PCDHGA4: variants seen among roughly 807,000 people sequenced by gnomAD.
PCDHGA4 encodes protocadherin gamma subfamily A, 4.
Under a neutral mutation model 54.6 loss-of-function variants are expected in PCDHGA4, and 38 were observed. The ratio of observed to expected loss-of-function variants is 0.70; its 90% confidence interval spans 0.54 to 0.91. The LOEUF (loss-of-function observed/expected upper bound fraction) is 0.91. Ranked by LOEUF, PCDHGA4 falls within the 40% of genes least tolerant of loss-of-function variation. The pLI, the probability that PCDHGA4 is intolerant of heterozygous loss-of-function variation, is 0.00. For missense variants in PCDHGA4, 1,298 were observed against 1,220.9 expected (o/e 1.06, Z -0.94); for synonymous variants, 511 against 512.9 (o/e 1.00, Z 0.05).
At chr5:141,375,501 C>T in intron 1 of PCDHGA4, 1 of 1,614,040 alleles carries the variant, frequency 6.2e-7, no homozygotes, top group Non-Finnish European at 8.5e-7. Flanking sequence ...TCCATCTTCT[C>T]TGTGAATGCA....
In PCDHGA4 at chr5:141,487,259, T is replaced by A. The variant is rs2099641960; in HGVS notation, c.2515-7548T>A. 1.9e-6 allele frequency: 3 copies of A among 1,614,014 alleles called. No individual in the cohort carries two copies. The highest frequency in any genetic ancestry group is 1.3e-5 in the African/African-American group (1 of 74,926). ...TCGTCTAACCCTCTACTTGGCTGTGTCCCTAGTGGCAATTTGCTTTGTCTC... is the reference window on the plus strand; with the variant it reads ...TCGTCTAACCCTCTACTTGGCTGTGACCCTAGTGGCAATTTGCTTTGTCTC... On this transcript the variant is annotated intron_variant, in intron 1 of 3. Coordinates refer to ENST00000571252, the MANE Select transcript of PCDHGA4 (RefSeq NM_018917.4). The surrounding 1 kb of genome is among the most constrained non-coding windows in gnomAD (Gnocchi z 5.0).
At chr5:141,447,535 G>C (rs1366016262) in intron 1 of PCDHGA4, among the ~76,000 whole-genome samples, 1 of 152,162 alleles carries the variant, frequency 6.6e-6, no homozygotes, top group African/African-American at 2.4e-5. Flanking sequence ...AAATTGTTGG[G>C]TTTTAATGTT....
chr5:141,475,572 C>T (rs2099365596), intron 1 of PCDHGA4, among the ~76,000 whole-genome samples: 1 of 152,214 alleles, frequency 6.6e-6, no homozygotes, highest in South Asian at 2.1e-4. Context: ...TTCCAACAAG[C>T]CAGATTTGTT....
intron 3 of PCDHGA4, among the ~76,000 whole-genome samples, chr5:141,505,976 A>G (rs911235674): frequency 1.3e-5 from 2 of 152,136 alleles, no homozygotes; most frequent in Admixed American, 1.3e-4. Context: ...CCCAGCCGAG[A>G]GAACACCTCC....
chr5:141,445,708 G>A (rs2098475030), intron 1 of PCDHGA4, among the ~76,000 whole-genome samples: 1 of 152,168 alleles, frequency 6.6e-6, no homozygotes, highest in African/African-American at 2.4e-5. Flanking sequence ...AAATTGTCAG[G>A]CAGAGGAAAT....
chr5:141,414,752 A>G (rs1339630983), intron 1 of PCDHGA4: 9 of 1,614,110 alleles, frequency 5.6e-6, no homozygotes, highest in Non-Finnish European at 7.6e-6. Flanking sequence ...TCCTTCGACT[A>G]TGAGCAGTTT....
intron 1 of PCDHGA4, chr5:141,371,244 A>G (rs1767599935): frequency 1.2e-6 from 2 of 1,613,920 alleles, no homozygotes; most frequent in South Asian, 2.2e-5. Context: ...CTTCATCAAT[A>G]TTGGCAAGGA....
intron 1 of PCDHGA4, chr5:141,403,095 T>A (rs754367041): frequency 6.2e-7 from 1 of 1,614,026 alleles, no homozygotes; most frequent in East Asian, 2.2e-5. Flanking sequence ...GTGGGCAACA[T>A]CTCCAAGGAC....
intron 1 of PCDHGA4, chr5:141,384,690 T>C (rs368242169): frequency 4.7e-5 from 76 of 1,613,884 alleles, no homozygotes; most frequent in Non-Finnish European, 5.9e-5. Context: ...TGGACAAAGA[T>C]TCAGGCCAGA....
intron 1 of PCDHGA4, chr5:141,410,048 C>T (rs1471679304): frequency 4.3e-6 from 7 of 1,613,042 alleles, no homozygotes; most frequent in Non-Finnish European, 4.2e-6. Flanking sequence ...TGAGCCCGGA[C>T]TCTTCAGCCT....
chr5:141,374,158 G>A (rs1471227184), intron 1 of PCDHGA4: 6 of 1,612,290 alleles, frequency 3.7e-6, no homozygotes, highest in African/African-American at 1.3e-5. Context: ...CGCTGTGGGG[G>A]GCCGCGGCAG....
At chr5:141,475,988 A>C (rs1197163866) in intron 1 of PCDHGA4, 29 of 1,114,786 alleles carry the variant, frequency 2.6e-5, no homozygotes, top group Non-Finnish European at 3.2e-5. Context: ...GCCGGCGAGC[A>C]AATCAACGGC....
chr5:141,439,455 C>T (rs62379163), intron 1 of PCDHGA4, among the ~76,000 whole-genome samples: 5,115 of 152,308 alleles, frequency 0.034, 100 homozygotes, highest in Middle Eastern at 0.088. Context: ...GGGAGCAAGA[C>T]TGCACTGCTG....
intron 1 of PCDHGA4, chr5:141,377,740 A>G (rs1017037020): frequency 9.9e-5 from 15 of 152,232 alleles, no homozygotes; most frequent in African/African-American, 3.6e-4. Context: ...ATCATTGGTA[A>G]CTGCAGCAGG....
intron 1 of PCDHGA4, chr5:141,388,588 C>T: frequency 6.2e-7 from 1 of 1,613,876 alleles, no homozygotes; most frequent in Non-Finnish European, 8.5e-7. Context: ...GTGACTGATG[C>T]CAATGATAAT....
Position 141,418,471 on chromosome 5 carries a change from G to T in PCDHGA4, c.2514+60850G>T, listed in dbSNP as rs199547102. 57 of 1,614,002 alleles carry T rather than the reference G, an allele frequency of 3.5e-5. No homozygotes were observed. In the African/African-American group the frequency reaches 5.7e-4, roughly 16 times the overall value. ...TGCAGAAGACTCTGGACCGAGAAACGCAGAGCGCTCACCACTTGGTACTGA... is the reference window on the plus strand; with the variant it reads ...TGCAGAAGACTCTGGACCGAGAAACTCAGAGCGCTCACCACTTGGTACTGA... On this transcript the variant is annotated intron_variant, in intron 1 of 3. Coordinates refer to ENST00000571252, the MANE Select transcript of PCDHGA4 (RefSeq NM_018917.4).
chr5:141,511,353 A>C lies in PCDHGA4; in HGVS notation c.*180A>C. ...AGTCAGCACCTACCCCTTCCCCCCC[A>C]GGGGGTTGAATATGCAAAAGCAGTT... On this transcript the variant is annotated 3_prime_UTR_variant, in exon 4 of 4. Transcript: ENST00000571252. 7.3e-7 allele frequency: 1 copy of C among 1,371,054 alleles called. No individual in the cohort carries two copies. Among genetic ancestry groups the C allele is most frequent in the Non-Finnish European group, 9.7e-7 (1 of 1,027,740 alleles). The allele number at this position is 1,371,054 out of a possible 1,614,324, so 84.9% of individuals were successfully genotyped here. A position where few individuals can be genotyped will look rare whatever the true frequency, so the allele number is the denominator to read the frequency against.
intron 1 of PCDHGA4, chr5:141,387,909 G>C (rs1383616266): frequency 8.0e-6 from 12 of 1,498,886 alleles, no homozygotes; most frequent in Non-Finnish European, 1.1e-5. Flanking sequence ...CGGGGAGCTG[G>C]GCCGGGCTGA....
intron 1 of PCDHGA4, chr5:141,418,454 ACTCTG>A (rs2096260396): frequency 3.1e-6 from 5 of 1,613,892 alleles, no homozygotes; most frequent in Non-Finnish European, 4.2e-6. Context: ...ATTGCAGAAG[ACTCTG>A]GACCGAGAAA....
Sources: allele counts gnomAD v4.1 joint callset (sites outside exome capture counted in the v4.1 genomes callset), GRCh38; gene constraint gnomAD v4.1.1; non-coding constraint Gnocchi (gnomAD v3.1); transcripts MANE v1.5; gene names NCBI Gene and HGNC (gene_info 2026-07-23, HGNC 2026-07-21).